PCDH15: variants seen among roughly 807,000 people sequenced by gnomAD.
PCDH15 encodes protocadherin related 15, also known as protocadherin-15.
Under a neutral mutation model 178.5 loss-of-function variants are expected in PCDH15, and 129 were observed. That is an observed-to-expected ratio of 0.72 (90% CI 0.63 to 0.84). The LOEUF (loss-of-function observed/expected upper bound fraction) is 0.84, where lower values mean the gene tolerates loss of function less well. Among genes scored for constraint, PCDH15 ranks in the 40% least tolerant of loss-of-function variants. The probability of loss-of-function intolerance (pLI) is 0.00; values close to 1 mark genes in which losing one functional copy is unlikely to be tolerated. For missense variants in PCDH15, 2,230 were observed against 2,099.9 expected, an observed-to-expected ratio of 1.06 and a Z score of -1.21; for synonymous variants, 800 against 732.0, an observed-to-expected ratio of 1.09 and a Z score of -1.50.
chr10:54,526,416 G>A (rs1388928942), intron 3 of PCDH15, among the ~76,000 whole-genome samples: 1 of 152,052 alleles, frequency 6.6e-6, no homozygotes, highest in East Asian at 1.9e-4. Flanking sequence ...AAGGTTAACT[G>A]TTTTCACTGT....
intron 1 of PCDH15, among the ~76,000 whole-genome samples, chr10:55,245,872 C>A (rs1413224100): frequency 6.6e-6 from 1 of 152,132 alleles, no homozygotes; most frequent in Non-Finnish European, 1.5e-5. Flanking sequence ...GAGTAGACAG[C>A]AAATTCATAC....
At chr10:54,211,543 G>T (rs1254213810) in intron 10 of PCDH15, among the ~76,000 whole-genome samples, 1 of 151,858 alleles carries the variant, frequency 6.6e-6, no homozygotes, top group African/African-American at 2.4e-5. Flanking sequence ...GAGAAAAAGA[G>T]AAAAAAATGA....
intron 3 of PCDH15, among the ~76,000 whole-genome samples, chr10:54,386,555 C>G (rs1274054970): frequency 6.6e-6 from 1 of 152,122 alleles, no homozygotes; most frequent in Admixed American, 6.5e-5. Flanking sequence ...CTCAACATAA[C>G]TTTTTCCCAC....
chr10:54,746,241 C>A (rs1448994525), intron 1 of PCDH15, among the ~76,000 whole-genome samples: 3 of 151,974 alleles, frequency 2.0e-5, no homozygotes, highest in Non-Finnish European at 4.4e-5. Context: ...GTTGTGACAG[C>A]CAAAAATGTT....
intron 2 of PCDH15, among the ~76,000 whole-genome samples, chr10:55,326,233 G>T (rs1359004304): frequency 6.6e-6 from 1 of 152,130 alleles, no homozygotes; most frequent in East Asian, 1.9e-4. Context: ...CCATTATTGT[G>T]TGTATACCCA....
chr10:54,241,731 C>T (rs2055318010), intron 8 of PCDH15, among the ~76,000 whole-genome samples: 1 of 152,006 alleles, frequency 6.6e-6, no homozygotes, highest in Admixed American at 6.6e-5. Flanking sequence ...GAGCTACATT[C>T]CCTGTCTTAG....
At chr10:54,335,931 A>G (rs12357807) in intron 6 of PCDH15, among the ~76,000 whole-genome samples, 39,370 of 152,080 alleles carry the variant, frequency 0.26, 6,375 homozygotes, top group Middle Eastern at 0.39. Flanking sequence ...AGACTTTTTC[A>G]TTGGCTTTGA....
intron 15 of PCDH15, among the ~76,000 whole-genome samples, chr10:54,104,201 A>G (rs7083255): frequency 0.6 from 90,834 of 152,024 alleles, 28,046 homozygotes; most frequent in Middle Eastern, 0.69. Flanking sequence ...GATTAGAGAG[A>G]GGAGGTTTCC....
At chr10:53,951,629 A>T (rs1489163463) in intron 23 of PCDH15, among the ~76,000 whole-genome samples, 1 of 152,266 alleles carries the variant, frequency 6.6e-6, no homozygotes, top group African/African-American at 2.4e-5. Flanking sequence ...CTTCTAAAAT[A>T]TACAAACGTT....
At chr10:54,235,128 A>C (rs924542531) in intron 9 of PCDH15, among the ~76,000 whole-genome samples, 1 of 152,194 alleles carries the variant, frequency 6.6e-6, no homozygotes, top group African/African-American at 2.4e-5. Flanking sequence ...TTACCTTTTG[A>C]TGACACAAGT....
At chr10:54,302,426 A>G (rs1591681080) in intron 8 of PCDH15, among the ~76,000 whole-genome samples, 1 of 152,172 alleles carries the variant, frequency 6.6e-6, no homozygotes, top group African/African-American at 2.4e-5. Context: ...CTAACCCTCA[A>G]GATGGCGGTA....
chr10:55,202,995 T>TAA (rs1320359322), intron 1 of PCDH15, among the ~76,000 whole-genome samples: 1 of 152,148 alleles, frequency 6.6e-6, no homozygotes, highest in Non-Finnish European at 1.5e-5. Flanking sequence ...TGAAAACACA[T>TAA]ACTTAACAAT....
chr10:55,622,934 C>A (rs1837437381), intron 2 of PCDH15, among the ~76,000 whole-genome samples: 1 of 152,134 alleles, frequency 6.6e-6, no homozygotes, highest in South Asian at 2.1e-4. Flanking sequence ...TAAAACTGAG[C>A]AAATGGCATA....
intron 11 of PCDH15, among the ~76,000 whole-genome samples, chr10:54,195,204 G>A (rs1328916501): frequency 6.6e-6 from 1 of 152,186 alleles, no homozygotes; most frequent in Non-Finnish European, 1.5e-5. Flanking sequence ...GTGGAGTGAA[G>A]CGTAAGCATC....
intron 2 of PCDH15, among the ~76,000 whole-genome samples, chr10:54,607,369 G>T (rs2092788546): frequency 6.6e-6 from 1 of 151,924 alleles, no homozygotes. Context: ...GCAAAAATAT[G>T]ATTTTCTCCA....
chr10:54,183,958 G>A (rs1339287766), intron 12 of PCDH15, among the ~76,000 whole-genome samples: 1 of 152,008 alleles, frequency 6.6e-6, no homozygotes, highest in Non-Finnish European at 1.5e-5. Flanking sequence ...TACATATTTT[G>A]TATACAATAG....
chr10:54,229,988 G>A (rs1046663290), intron 9 of PCDH15, among the ~76,000 whole-genome samples: 13 of 152,034 alleles, frequency 8.6e-5, no homozygotes, highest in African/African-American at 2.9e-4. Context: ...CCTTAAATCT[G>A]GGCAGGAATT....
At chr10:54,757,217 G>A (rs1258834806) in intron 1 of PCDH15, among the ~76,000 whole-genome samples, 2 of 151,262 alleles carry the variant, frequency 1.3e-5, no homozygotes, top group South Asian at 2.1e-4. Context: ...ATGCCAAACT[G>A]CTAAGAAATG....
At chr10:54,447,530 C>A (rs1048912197) in intron 3 of PCDH15, among the ~76,000 whole-genome samples, 1 of 151,482 alleles carries the variant, frequency 6.6e-6, no homozygotes, top group African/African-American at 2.4e-5. Context: ...ATAAAGTCTC[C>A]CAGGTTCATA....
Sources: allele counts gnomAD v4.1 joint callset (sites outside exome capture counted in the v4.1 genomes callset), GRCh38; gene constraint gnomAD v4.1.1; transcripts MANE v1.5; gene names NCBI Gene and HGNC (gene_info 2026-07-23, HGNC 2026-07-21).